Variants in ITPRID1 observed in about 807,000 individuals in gnomAD.
ITPRID1 encodes the protein protein ITPRID1.
Under a neutral mutation model 95.4 loss-of-function variants are expected in ITPRID1, and 96 were observed. That is an observed-to-expected ratio of 1.01 (90% confidence interval 0.85 to 1.19). ITPRID1 has a LOEUF of 1.19. Ranked by LOEUF, ITPRID1 falls within the 50% of genes most tolerant of loss-of-function variation. The probability of loss-of-function intolerance (pLI) is 0.00; values close to 1 mark genes in which losing one functional copy is unlikely to be tolerated. For synonymous variants in ITPRID1, 510 were observed against 453.6 expected (o/e 1.12, Z -1.58); for missense variants, 1,339 against 1,252.9 (o/e 1.07, Z -1.04).
intron 10 of ITPRID1, among the ~76,000 whole-genome samples, chr7:31,636,990 G>T (rs1383014806): frequency 6.7e-6 from 1 of 149,692 alleles, no homozygotes; most frequent in Non-Finnish European, 1.5e-5. Context: ...GCGGTGTTTG[G>T]TTTTTCATCC....
intron 10 of ITPRID1, among the ~76,000 whole-genome samples, chr7:31,632,831 G>A (rs1242295113): frequency 6.6e-6 from 1 of 152,132 alleles, no homozygotes; most frequent in Non-Finnish European, 1.5e-5. Context: ...CCTGCCCTGT[G>A]AGAGCTGATT....
rs1050475734 is a variant in ITPRID1, at chr7:31,643,143, C to T, written c.1773C>T (p.Ser591=). The change falls in exon 12 of 15, where the codon AGC becomes AGT. Residue 591 remains serine, a synonymous_variant. Coordinates refer to ENST00000615280, the MANE Select transcript of ITPRID1 (RefSeq NM_001257967.3). ...CTGAGGGAGCTGGCAAAGTGCAAAG[C>T]CACCACAATGAGTCTCAAAGGTCAC... The part of the protein sequence containing the change: ...VRPEGAGKVQ[S]HHNESQRSPG... 2 of 1,613,932 alleles carry T rather than the reference C, an allele frequency of 1.2e-6. No individual in the cohort carries two copies. The highest frequency in any genetic ancestry group is 1.7e-6 in the Non-Finnish European group (2 of 1,179,890).
Position 31,553,136 on chromosome 7 carries a change from C to A in ITPRID1, c.112C>A (p.Leu38Met). Residue 38 changes from leucine (L) to methionine (M), a missense_variant, in exon 3 of 15, where the codon CTG (leucine) becomes ATG (methionine). Coordinates refer to ENST00000615280, the MANE Select transcript of ITPRID1 (RefSeq NM_001257967.3). ...KSAWAPLDEWLPPDPEEESQS... is the reference protein window; with the variant it reads ...KSAWAPLDEWMPPDPEEESQS... The stretch of plus-strand genomic sequence containing the variant: ...CGCGTGGGCTCCGCTGGATGAGTGG[C>A]TGCCCCCTGACCCTGAGGAGGAAAG... 1.3e-6 allele frequency: 2 copies of A among 1,594,372 alleles called. No homozygotes were observed. The highest frequency in any genetic ancestry group is 1.7e-6 in the Non-Finnish European group (2 of 1,169,570).
chr7:31,592,406 T>C (rs574237232), intron 10 of ITPRID1, among the ~76,000 whole-genome samples: 2 of 152,360 alleles, frequency 1.3e-5, no homozygotes, highest in Admixed American at 6.5e-5. Context: ...GCCTAATACA[T>C]GTAAATCCCT....
intron 10 of ITPRID1, among the ~76,000 whole-genome samples, chr7:31,628,490 C>A (rs191708646): frequency 9.3e-5 from 14 of 150,568 alleles, no homozygotes; most frequent in Non-Finnish European, 1.5e-4. Context: ...AGGAGTCTCG[C>A]TCTGTCACTC....
intron 9 of ITPRID1, among the ~76,000 whole-genome samples, chr7:31,582,741 G>A (rs1785449753): frequency 6.6e-6 from 1 of 151,958 alleles, no homozygotes; most frequent in Non-Finnish European, 1.5e-5. Context: ...TTTGAAAAAT[G>A]TCTAAGCACT....
intron 8 of ITPRID1, among the ~76,000 whole-genome samples, chr7:31,577,453 G>T (rs73087449): frequency 6.6e-6 from 1 of 152,058 alleles, no homozygotes; most frequent in Non-Finnish European, 1.5e-5. Context: ...TGTAAGTGAT[G>T]GTAGGAATAC....
At chr7:31,641,013 G>C (rs2128207910) in intron 10 of ITPRID1, among the ~76,000 whole-genome samples, 1 of 152,272 alleles carries the variant, frequency 6.6e-6, no homozygotes, top group South Asian at 2.1e-4. Context: ...GGCTGAGGTA[G>C]CTGGGGTTTG....
intron 10 of ITPRID1, among the ~76,000 whole-genome samples, chr7:31,627,992 C>T (rs1788631389): frequency 6.6e-6 from 1 of 152,048 alleles, no homozygotes; most frequent in East Asian, 1.9e-4. Context: ...AAGGAACCAA[C>T]AAGAAATGTG....
intron 10 of ITPRID1, among the ~76,000 whole-genome samples, chr7:31,617,418 AAAT>A (rs1385071175): frequency 1.3e-5 from 2 of 152,216 alleles, no homozygotes; most frequent in African/African-American, 4.8e-5. Context: ...AGAGTCATTG[AAAT>A]AATAACCAAA....
chr7:31,639,941 T>A (rs1166826989), intron 10 of ITPRID1, among the ~76,000 whole-genome samples: 1 of 152,210 alleles, frequency 6.6e-6, no homozygotes, highest in African/African-American at 2.4e-5. Flanking sequence ...TCATAATGGA[T>A]CATATGTTCC....
At chr7:31,541,038 G>C (rs1226080552) in intron 1 of ITPRID1, among the ~76,000 whole-genome samples, 1 of 152,174 alleles carries the variant, frequency 6.6e-6, no homozygotes, top group Non-Finnish European at 1.5e-5. Flanking sequence ...AATAACTATT[G>C]TCATAACTTA....
chr7:31,595,345 T>C (rs372973494), intron 10 of ITPRID1, among the ~76,000 whole-genome samples: 4 of 147,052 alleles, frequency 2.7e-5, no homozygotes, highest in Non-Finnish European at 6.0e-5. Context: ...ATGCCCGGCC[T>C]ACACACACAC....
At chr7:31,535,510 G>A (rs918667109) in intron 1 of ITPRID1, among the ~76,000 whole-genome samples, 5 of 151,840 alleles carry the variant, frequency 3.3e-5, no homozygotes, top group African/African-American at 9.7e-5. Context: ...GTGTGTGTGG[G>A]TATATTCCTA....
chr7:31,515,102 C>A (rs1049698109), intron 1 of ITPRID1, among the ~76,000 whole-genome samples: 1 of 151,728 alleles, frequency 6.6e-6, no homozygotes, highest in African/African-American at 2.4e-5. Context: ...TTTACCAGAC[C>A]ATTTTCCTAA....
At chr7:31,658,395 G>A (rs763729100), downstream of ITPRID1, 3 of 1,489,154 alleles carry the variant, frequency 2.0e-6, no homozygotes, top group South Asian at 3.9e-5. Flanking sequence ...TGTTGTAATT[G>A]TTTTTCTTTG....
In ITPRID1 at chr7:31,552,986, G is replaced by T. The variant is rs1281781850; in HGVS notation, c.-23-16G>T. 6.3e-7 allele frequency: 1 copy of T among 1,591,882 alleles called. No individual in the cohort carries two copies. The highest frequency in any genetic ancestry group is 1.1e-5 in the South Asian group (1 of 87,670). ...AACTCATCGTGTCTGATTTGTTTGTGTGTGTGTGTTTTAAGTTAGTTTGCA... is the reference window on the plus strand; with the variant it reads ...AACTCATCGTGTCTGATTTGTTTGTTTGTGTGTGTTTTAAGTTAGTTTGCA... On this transcript the variant is annotated splice_polypyrimidine_tract_variant and intron_variant, in intron 2 of 14. Coordinates refer to ENST00000615280, the MANE Select transcript of ITPRID1 (RefSeq NM_001257967.3).
intron 1 of ITPRID1, among the ~76,000 whole-genome samples, chr7:31,535,901 T>C (rs1279013921): frequency 6.6e-6 from 1 of 152,106 alleles, no homozygotes; most frequent in Non-Finnish European, 1.5e-5. Flanking sequence ...GTCTTCTAGA[T>C]ACTTTTAAGA....
chr7:31,629,047 C>T (rs1055760991), intron 10 of ITPRID1, among the ~76,000 whole-genome samples: 1 of 152,116 alleles, frequency 6.6e-6, no homozygotes, highest in Non-Finnish European at 1.5e-5. Flanking sequence ...AATTTGAAAC[C>T]TATCTATTGT....
Sources: allele counts gnomAD v4.1 joint callset (sites outside exome capture counted in the v4.1 genomes callset), GRCh38; gene constraint gnomAD v4.1.1; transcripts MANE v1.5; gene names NCBI Gene and HGNC (gene_info 2026-07-23, HGNC 2026-07-21).